The following ADARB2 variants were observed in gnomAD, a reference collection of about 807,000 sequenced individuals.
ADARB2 encodes adenosine deaminase RNA specific B2 (inactive).
In ADARB2, 25 loss-of-function variants were observed where a neutral mutation model predicts 62.2. The ratio of observed to expected loss-of-function variants is 0.40; its 90% CI spans 0.29 to 0.56. The LOEUF (loss-of-function observed/expected upper bound fraction) is 0.56. ADARB2 is among the 20% of genes least tolerant of loss of function. ADARB2 has a pLI of 0.43. For synonymous variants in ADARB2, 572 were observed against 500.8 expected, an observed-to-expected ratio of 1.14 and a Z score of -1.90; for missense variants, 1,071 against 1,077.4, an observed-to-expected ratio of 0.99 and a Z score of 0.08.
intron 2 of ADARB2, among the ~76,000 whole-genome samples, chr10:1,370,655 A>G (rs1292955131): frequency 6.6e-6 from 1 of 152,262 alleles, no homozygotes; most frequent in Non-Finnish European, 1.5e-5. Flanking sequence ...TCTATACATC[A>G]ATAATGTTTA....
intron 3 of ADARB2, among the ~76,000 whole-genome samples, chr10:1,332,481 G>GTTT (rs57168465): frequency 0.021 from 2,731 of 131,456 alleles, 99 homozygotes; most frequent in African/African-American, 0.07. Flanking sequence ...CATCAGTTTT[G>GTTT]TTTTTTTTTT....
intron 3 of ADARB2, among the ~76,000 whole-genome samples, chr10:1,331,033 AT>A (rs1225618305): frequency 1.3e-5 from 2 of 152,252 alleles, no homozygotes; most frequent in Non-Finnish European, 2.9e-5. Flanking sequence ...GATGCTCAAT[AT>A]CATTAATACT....
chr10:1,720,822 G>A (rs1835082201), intron 1 of ADARB2, among the ~76,000 whole-genome samples: 1 of 152,190 alleles, frequency 6.6e-6, no homozygotes, highest in Non-Finnish European at 1.5e-5. Flanking sequence ...TATGGAAAAA[G>A]AAGAGGAGCT....
At chr10:1,482,433 G>A (rs1218812938) in intron 1 of ADARB2, among the ~76,000 whole-genome samples, 1 of 152,190 alleles carries the variant, frequency 6.6e-6, no homozygotes, top group Non-Finnish European at 1.5e-5. Context: ...GCCATGAAAG[G>A]ACAAATCCTG....
chr10:1,473,391 T>G (rs1340659517), intron 1 of ADARB2, among the ~76,000 whole-genome samples: 1 of 150,734 alleles, frequency 6.6e-6, no homozygotes, highest in Non-Finnish European at 1.5e-5. Flanking sequence ...TTTTGTTTTG[T>G]TTTTTTTTCC....
At chr10:1,277,631 A>G (rs1161606972) in intron 3 of ADARB2, among the ~76,000 whole-genome samples, 3 of 152,194 alleles carry the variant, frequency 2.0e-5, no homozygotes, top group Admixed American at 6.5e-5. Context: ...CAACCAAAAA[A>G]AGTCCAGAAC....
At chr10:1,719,747 G>T (rs138915043) in intron 1 of ADARB2, among the ~76,000 whole-genome samples, 3 of 152,146 alleles carry the variant, frequency 2.0e-5, no homozygotes, top group Non-Finnish European at 4.4e-5. Context: ...GATCAAACAC[G>T]TTCTCTAAAG....
chr10:1,196,280 T>G (rs4880486), intron 8 of ADARB2, among the ~76,000 whole-genome samples: 26,907 of 149,404 alleles, frequency 0.18, 2,828 homozygotes, highest in Non-Finnish European at 0.23. Context: ...GCAATCACCC[T>G]GAGGTATGGA....
intron 1 of ADARB2, among the ~76,000 whole-genome samples, chr10:1,688,592 T>G (rs921654125): frequency 6.6e-6 from 1 of 151,992 alleles, no homozygotes; most frequent in Non-Finnish European, 1.5e-5. Context: ...GCGGGGTCCC[T>G]CCCCGCCCCC....
At chr10:1,674,223 T>G (rs1240474390) in intron 1 of ADARB2, among the ~76,000 whole-genome samples, 3 of 152,216 alleles carry the variant, frequency 2.0e-5, no homozygotes, top group Non-Finnish European at 4.4e-5. Flanking sequence ...GATCCATTTT[T>G]TAAAGCCTCC....
At chr10:1,664,531 A>C (rs11250717) in intron 1 of ADARB2, among the ~76,000 whole-genome samples, 23,896 of 152,178 alleles carry the variant, frequency 0.16, 2,717 homozygotes, top group African/African-American at 0.32. Context: ...GTCCAGAGAA[A>C]TGCATTTCAC....
chr10:1,503,874 T>A (rs1003837370), intron 1 of ADARB2, among the ~76,000 whole-genome samples: 5 of 152,174 alleles, frequency 3.3e-5, no homozygotes, highest in African/African-American at 7.2e-5. Context: ...GGAAGCTTCC[T>A]GAGGCCTCCC....
At chr10:1,395,415 G>C (rs889454744) in intron 1 of ADARB2, among the ~76,000 whole-genome samples, 4 of 152,146 alleles carry the variant, frequency 2.6e-5, no homozygotes, top group Admixed American at 2.6e-4. Flanking sequence ...CAGAGGTCCT[G>C]ACAGTTCCTT....
intron 1 of ADARB2, among the ~76,000 whole-genome samples, chr10:1,391,766 ATTTTTTTTTTTTT>A (rs60956446): frequency 2.2e-5 from 2 of 91,614 alleles, no homozygotes; most frequent in African/African-American, 8.7e-5. Flanking sequence ...TAAGAATTGG[ATTTTTTTTTTTTT>A]TTTTTTTTTT....
At chr10:1,720,109 A>G (rs1835071838) in intron 1 of ADARB2, among the ~76,000 whole-genome samples, 1 of 152,236 alleles carries the variant, frequency 6.6e-6, no homozygotes, top group African/African-American at 2.4e-5. Context: ...ACAATAGCAA[A>G]GGCATGGAAT....
intron 7 of ADARB2, 57 bp from the exon 8 acceptor site, chr10:1,200,204 C>T (rs972327719): frequency 4.1e-5 from 63 of 1,542,892 alleles, no homozygotes; most frequent in African/African-American, 6.9e-5. Flanking sequence ...GGAGCCTGGT[C>T]CTCTCTGTCC....
intron 3 of ADARB2, chr10:1,290,089 T>C (rs1361554652): frequency 6.6e-6 from 1 of 152,206 alleles, no homozygotes; most frequent in African/African-American, 2.4e-5. Flanking sequence ...ATGAAGAAAA[T>C]ACGGCTTTAA....
intron 1 of ADARB2, among the ~76,000 whole-genome samples, chr10:1,571,760 G>A (rs188110526): frequency 1.2e-4 from 18 of 151,050 alleles, no homozygotes; most frequent in East Asian, 9.8e-4. Flanking sequence ...GTGTGCAGGT[G>A]AGTGGACAGG....
chr10:1,220,039 GTAA>G (rs1830672321), intron 6 of ADARB2, among the ~76,000 whole-genome samples: 2 of 126,496 alleles, frequency 1.6e-5, no homozygotes, highest in African/African-American at 3.0e-5. Context: ...GGTGATGATG[GTAA>G]TGGTGATGGT....
Sources: gnomAD v4.1 joint callset for allele counts (sites outside exome capture counted in the v4.1 genomes callset) on GRCh38, gnomAD v4.1.1 for gene constraint, MANE v1.5 for transcripts, NCBI Gene and HGNC (gene_info 2026-07-23, HGNC 2026-07-21) for gene names.